Variants in RCAN3 observed in about 807,000 individuals in gnomAD.
RCAN3 encodes calcipressin-3.
Under a neutral mutation model 21.9 loss-of-function variants are expected in RCAN3, and 19 were observed. That is an observed-to-expected ratio of 0.87 (90% CI 0.61 to 1.27). RCAN3 has a LOEUF of 1.27. RCAN3 is among the 50% of genes most tolerant of loss of function. The pLI, the probability that RCAN3 is intolerant of heterozygous loss-of-function variation, is 0.00. For synonymous variants in RCAN3, 114 were observed against 112.3 expected, an observed-to-expected ratio of 1.01 and a Z score of -0.09; for missense variants, 240 against 300.1, an observed-to-expected ratio of 0.80 and a Z score of 1.48.
chr1:24,531,740 C>T (rs1323601617), intron 3 of RCAN3, among the ~76,000 whole-genome samples: 1 of 152,102 alleles, frequency 6.6e-6, no homozygotes, highest in African/African-American at 2.4e-5. Context: ...TGAAATAAGA[C>T]ATGAAATCCT....
chr1:24,521,466 A>T (rs1648802405), intron 2 of RCAN3, among the ~76,000 whole-genome samples: 1 of 152,176 alleles, frequency 6.6e-6, no homozygotes, highest in African/African-American at 2.4e-5. Flanking sequence ...CTCTTAGAAG[A>T]TGCAGTAGCA....
intron 2 of RCAN3, 85 bp downstream of exon 2, chr1:24,514,652 A>G: frequency 7.6e-7 from 1 of 1,321,254 alleles, no homozygotes; most frequent in East Asian, 2.4e-5. Context: ...CTGGTCCCTG[A>G]CAAATTAAGT....
intron 1 of RCAN3, among the ~76,000 whole-genome samples, chr1:24,506,461 A>G (rs529076121): frequency 6.6e-6 from 1 of 152,158 alleles, no homozygotes; most frequent in Non-Finnish European, 1.5e-5. Context: ...GTTTTTGATA[A>G]TTATCCTATG....
rs1426580436 is a variant in RCAN3, at chr1:24,536,317, A to G, written c.*1040A>G. 6.6e-6 allele frequency: 1 copy of G among 152,218 alleles called. No homozygotes were observed. The highest frequency in any genetic ancestry group is 2.4e-5 in the African/African-American group (1 of 41,452). The allele number at this position is 152,218 out of a possible 1,614,324, so 9.4% of individuals were successfully genotyped here. A position where few individuals can be genotyped will look rare whatever the true frequency, so the allele number is the denominator to read the frequency against. ...TTGCTTTGAAACAAAAGTCACACCT[A>G]CTATTTTTCTATGAATTAGGGAATG... is the stretch of plus-strand genomic sequence containing the variant. On this transcript the variant is annotated 3_prime_UTR_variant, in exon 5 of 5. Coordinates refer to ENST00000374395, the MANE Select transcript of RCAN3 (RefSeq NM_013441.4).
At chr1:24,524,828 GT>G (rs5773091) in intron 2 of RCAN3, among the ~76,000 whole-genome samples, 7,701 of 126,856 alleles carry the variant, frequency 0.061, 387 homozygotes, top group African/African-American at 0.21. Flanking sequence ...GTTTTCTTTT[GT>G]TTTTTTTTTT....
chr1:24,516,838 G>C (rs1057454026), intron 2 of RCAN3, among the ~76,000 whole-genome samples: 1 of 152,158 alleles, frequency 6.6e-6, no homozygotes, highest in Non-Finnish European at 1.5e-5. Flanking sequence ...GGCTGCACTC[G>C]CCAACTTTGT....
intron 1 of RCAN3, among the ~76,000 whole-genome samples, chr1:24,512,313 C>T (rs1364334390): frequency 6.6e-6 from 1 of 150,726 alleles, no homozygotes; most frequent in Non-Finnish European, 1.5e-5. Flanking sequence ...CGTACTACTG[C>T]ACTCCAGCCT....
At chr1:24,528,254 G>GAAAAAAA (rs57400823) in intron 2 of RCAN3, among the ~76,000 whole-genome samples, 1 of 122,142 alleles carries the variant, frequency 8.2e-6, no homozygotes, top group Non-Finnish European at 1.7e-5. Flanking sequence ...TGGAAAAAAA[G>GAAAAAAA]AAAAAAAAAA....
At chr1:24,503,213 TAAAAAAAAAAA>T (rs397979662) in intron 1 of RCAN3, 63 bp downstream of exon 1, 1 of 28,266 alleles carries the variant, frequency 3.5e-5, no homozygotes, top group Non-Finnish European at 5.8e-5. Flanking sequence ...CATGAAAAGT[TAAAAAAAAAAA>T]AAAAAAAAAA....
rs954184386 is a variant in RCAN3 at position 24,533,379 on chromosome 1, A to G, written c.541+125A>G. 9 of 696,926 alleles carry G rather than the reference A, an allele frequency of 1.3e-5. No individual in the cohort carries two copies. The African/African-American group carries it at 1.7e-4, about 13-fold the overall frequency. 43.2% of individuals were successfully genotyped at this position (696,926 alleles called of 1,614,324 possible). A position where few individuals can be genotyped will look rare whatever the true frequency, so the allele number is the denominator to read the frequency against. ...GATAAAGTCAAACACACCTGGGTTC[A>G]GATTCCAGCTGTGGCATCTGCTTGC... On this transcript the variant is annotated intron_variant, in intron 4 of 4. Coordinates refer to ENST00000374395, the MANE Select transcript of RCAN3 (RefSeq NM_013441.4).
At chr1:24,528,613 G>A (rs1011874984) in intron 2 of RCAN3, among the ~76,000 whole-genome samples, 2 of 152,196 alleles carry the variant, frequency 1.3e-5, no homozygotes, top group African/African-American at 4.8e-5. Flanking sequence ...GGAAGACGAA[G>A]AGGGTCACTA....
chr1:24,509,489 A>C (rs545140847), intron 1 of RCAN3, among the ~76,000 whole-genome samples: 4 of 152,364 alleles, frequency 2.6e-5, no homozygotes, highest in Admixed American at 6.5e-5. Flanking sequence ...CCCCAGGAGT[A>C]GATTTTATCT....
intron 2 of RCAN3, among the ~76,000 whole-genome samples, chr1:24,530,177 A>G (rs1649635275): frequency 6.6e-6 from 1 of 151,474 alleles, no homozygotes; most frequent in African/African-American, 2.4e-5. Flanking sequence ...AATGTGGCAA[A>G]ACCCCATCTC....
intron 1 of RCAN3, among the ~76,000 whole-genome samples, chr1:24,503,576 T>C (rs1325016187): frequency 2.0e-5 from 3 of 152,214 alleles, no homozygotes; most frequent in Non-Finnish European, 4.4e-5. Flanking sequence ...TGGATCACCA[T>C]CGCATTAGTG....
In RCAN3 at chr1:24,533,255, G is replaced by A; in HGVS notation, c.541+1G>A. The A allele has an allele frequency of 2.6e-6, 4 of 1,527,646 alleles. No homozygotes were observed. Among genetic ancestry groups the A allele is most frequent in the Non-Finnish European group, 3.5e-6 (4 of 1,140,272 alleles). The allele number at this position is 1,527,646 out of a possible 1,614,324, so 94.6% of individuals were successfully genotyped here. On this transcript the variant is annotated splice_donor_variant, in intron 4 of 4. Transcript: ENST00000374395. LOFTEE classifies it high-confidence loss of function. ...TGTGCTGTTTCCAAATTGGGACCAG[G>A]TAATAAACTTCTATTTTTCCTATTT... is the stretch of plus-strand genomic sequence containing the variant.
At chr1:24,515,520 A>T (rs1430595492) in intron 2 of RCAN3, among the ~76,000 whole-genome samples, 3 of 151,906 alleles carry the variant, frequency 2.0e-5, no homozygotes, top group Non-Finnish European at 2.9e-5. Flanking sequence ...TCTTAGTCCC[A>T]CAAAAGTAAA....
chr1:24,503,822 C>G (rs1647254701), intron 1 of RCAN3, among the ~76,000 whole-genome samples: 1 of 152,230 alleles, frequency 6.6e-6, no homozygotes, highest in Non-Finnish European at 1.5e-5. Flanking sequence ...TTCGCTTCCA[C>G]TTGTTGGAAG....
At chr1:24,521,810 TG>T (rs1648838216) in intron 2 of RCAN3, among the ~76,000 whole-genome samples, 1 of 151,888 alleles carries the variant, frequency 6.6e-6, no homozygotes, top group African/African-American at 2.4e-5. Context: ...ATCGTGCCAT[TG>T]TACTCCAGCC....
chr1:24,534,798 CAAAT>C (rs1168850904), intron 4 of RCAN3, among the ~76,000 whole-genome samples: 2 of 152,044 alleles, frequency 1.3e-5, no homozygotes, highest in African/African-American at 2.4e-5. Context: ...GACTCCATCT[CAAAT>C]AAATAAATTA....
Sources: gnomAD v4.1 joint callset for allele counts (sites outside exome capture counted in the v4.1 genomes callset) on GRCh38, gnomAD v4.1.1 for gene constraint, MANE v1.5 for transcripts, NCBI Gene and HGNC (gene_info 2026-07-23, HGNC 2026-07-21) for gene names.